The following ABI2 variants were observed in gnomAD, a reference collection of about 807,000 sequenced individuals.
ABI2 encodes abelson interactor 2.
Under a neutral mutation model 59.2 loss-of-function variants are expected in ABI2, and 25 were observed. The observed-to-expected ratio is 0.42, with a 90% CI of 0.31 to 0.59. ABI2 has a LOEUF of 0.59. Ranked by LOEUF, ABI2 falls within the 20% of genes least tolerant of loss-of-function variation. The pLI is 0.14. For missense variants in ABI2, 545 were observed against 681.8 expected (o/e 0.80, Z 2.23); for synonymous variants, 213 against 235.5 (o/e 0.90, Z 0.87).
intron 1 of ABI2, among the ~76,000 whole-genome samples, chr2:203,352,664 G>C (rs145402424): frequency 6.6e-6 from 1 of 152,218 alleles, no homozygotes; most frequent in African/African-American, 2.4e-5. Context: ...AAGTTTATGA[G>C]GTAAAAATTA....
At chr2:203,387,682 G>A (rs1240332971) in intron 4 of ABI2, among the ~76,000 whole-genome samples, 1 of 152,132 alleles carries the variant, frequency 6.6e-6, no homozygotes, top group African/African-American at 2.4e-5. Context: ...ATTGGTATCG[G>A]CCACCAGAGT....
intron 1 of ABI2, among the ~76,000 whole-genome samples, chr2:203,332,336 A>G (rs2074168717): frequency 1.3e-5 from 2 of 151,804 alleles, no homozygotes; most frequent in South Asian, 2.1e-4. Context: ...TTATTAATAT[A>G]CACACCTAGG....
chr2:203,391,207 ATATT>A, intron 5 of ABI2, 64 bp downstream of exon 5: 1 of 1,125,280 alleles, frequency 8.9e-7, no homozygotes, highest in Non-Finnish European at 1.2e-6. Context: ...GAAGCACAAC[ATATT>A]TAAATTATTT....
rs183542945 is a variant in ABI2, at chr2:203,397,264, G to C, written c.1033+297G>C. On this transcript the variant is annotated intron_variant, in intron 8 of 11. Coordinates refer to ENST00000261018, the MANE Select transcript of ABI2 (RefSeq NM_001375670.1). Reference sequence around the variant, plus strand: ...GGAGCTACCTTCTATACAGTTTTTGGAAATTATCATTAGAAATATTTTCAT... The same window carrying C: ...GGAGCTACCTTCTATACAGTTTTTGCAAATTATCATTAGAAATATTTTCAT... Among the ~76,000 whole-genome samples the C allele has an allele frequency of 6.0e-3, 919 of 152,006 alleles. 7 individuals are homozygous for C. Among genetic ancestry groups the C allele is most frequent in the Middle Eastern group, 0.02 (6 of 294 alleles).
chr2:203,334,954 C>CT (rs1176777280), intron 1 of ABI2, among the ~76,000 whole-genome samples: 1 of 152,158 alleles, frequency 6.6e-6, no homozygotes, highest in African/African-American at 2.4e-5. Flanking sequence ...GCCACCGTGC[C>CT]TGGCCTAGTT....
chr2:203,392,302 CCACCACCACCACCAACAACAACAACAA>C lies in ABI2; in HGVS notation c.578+1162_578+1188del, dbSNP rs1298027707. ...ACCACCACCACCACCACCACCACCA[CCACCACCACCACCAACAACAACAACAA>C]CAACAACAACAACAAAACAACCACA... On this transcript the variant is annotated intron_variant, in intron 5 of 11. Transcript: ENST00000261018. 1.4e-4 allele frequency among the ~76,000 whole-genome samples: 13 copies of C among 96,114 alleles called. 1 individual carries two copies. Among genetic ancestry groups the C allele is most frequent in the Admixed American group, 4.4e-4 (4 of 9,088 alleles). 63.1% of individuals were successfully genotyped at this position (96,114 alleles called of 152,430 possible).
At position 203,404,583 on chromosome 2, in the gene ABI2, A is replaced by G. The variant is rs189402393; in HGVS notation, c.1192+1849A>G. Among the ~76,000 whole-genome samples, 599 of 152,118 alleles carry G rather than the reference A, an allele frequency of 3.9e-3. 1 individual carries two copies. The highest frequency in any genetic ancestry group is 6.8e-3 in the Middle Eastern group (2 of 294). On this transcript the variant is annotated intron_variant, in intron 9 of 11. Transcript: ENST00000261018. ...TTTTGTTTTGTTTTGTTTTGAGACA[A>G]AGTCTTGCTCTGTCACCCAGGCTGG...
chr2:203,382,592 T>C (rs911888843), intron 4 of ABI2, among the ~76,000 whole-genome samples: 17 of 152,228 alleles, frequency 1.1e-4, no homozygotes, highest in Non-Finnish European at 2.1e-4. Context: ...TGTTATGAAT[T>C]GGAGGGCCAA....
intron 1 of ABI2, among the ~76,000 whole-genome samples, chr2:203,354,736 CAA>C (rs1283983236): frequency 6.6e-6 from 1 of 152,188 alleles, no homozygotes; most frequent in African/African-American, 2.4e-5. Context: ...CTTGTATATG[CAA>C]GGGTTGTATT....
rs1399154323 is a variant in ABI2 at position 203,369,513 on chromosome 2, TATTA to T, written c.285+2473_285+2476del. 2.0e-5 allele frequency among the ~76,000 whole-genome samples: 3 copies of T among 152,372 alleles called. No individual in the cohort carries two copies. The East Asian group carries it at 5.8e-4, about 29-fold the overall frequency. On this transcript the variant is annotated intron_variant, in intron 2 of 11. Coordinates refer to ENST00000261018, the MANE Select transcript of ABI2 (RefSeq NM_001375670.1). ...AGCCACCCTAGATTTTGAGTATATG[TATTA>T]ATTCAGTTATTCAGAACATTTTCTT...
rs546587609 is a variant in ABI2 at position 203,411,698 on chromosome 2, G to A, written c.1279+327G>A. Among the ~76,000 whole-genome samples, 11 of 152,212 alleles carry A rather than the reference G, an allele frequency of 7.2e-5. No homozygotes were observed. The South Asian group carries it at 1.9e-3, about 26-fold the overall frequency. Reference sequence around the variant, plus strand: ...GTGGTAGTCTAGTTTCTTATCACTGGAGTTTTATGGGTATTATAGGTGGTC... The same window carrying A: ...GTGGTAGTCTAGTTTCTTATCACTGAAGTTTTATGGGTATTATAGGTGGTC... On this transcript the variant is annotated intron_variant, in intron 10 of 11. Coordinates refer to ENST00000261018, the MANE Select transcript of ABI2 (RefSeq NM_001375670.1).
At position 203,368,988 on chromosome 2, in the gene ABI2, T is replaced by TAA. The variant is rs2094821121; in HGVS notation, c.285+1944_285+1945insAA. Reference sequence around the variant, plus strand: ...GGCACGTGCCATGCTTGGCTGATTTTTTTTTTTTTTTTTTTTTTTTTTTTT... The same window carrying TAA: ...GGCACGTGCCATGCTTGGCTGATTTTAATTTTTTTTTTTTTTTTTTTTTTTTT... On this transcript the variant is annotated intron_variant, in intron 2 of 11. Transcript: ENST00000261018. Among the ~76,000 whole-genome samples, 8 of 69,402 alleles carry TAA rather than the reference T, an allele frequency of 1.2e-4. No homozygotes were observed. In the East Asian group the frequency reaches 2.0e-3, roughly 17 times the overall value. The allele number at this position is 69,402 out of a possible 152,430, so 45.5% of individuals were successfully genotyped here.
intron 1 of ABI2, among the ~76,000 whole-genome samples, chr2:203,344,411 G>C (rs1398054960): frequency 1.3e-5 from 2 of 151,794 alleles, no homozygotes; most frequent in East Asian, 1.9e-4. Context: ...TATTGCCCAG[G>C]TTGGAGTGCA....
chr2:203,337,949 G>A (rs937029284), intron 1 of ABI2, among the ~76,000 whole-genome samples: 2 of 152,206 alleles, frequency 1.3e-5, no homozygotes, highest in Non-Finnish European at 2.9e-5. Flanking sequence ...AGAATCGCTT[G>A]AACCCAGGAA....
chr2:203,395,161 A>T, intron 6 of ABI2: 1 of 699,322 alleles, frequency 1.4e-6, no homozygotes, highest in Non-Finnish European at 2.6e-6. Flanking sequence ...CAGATGAAAA[A>T]CTATACATAA....
intron 1 of ABI2, among the ~76,000 whole-genome samples, chr2:203,363,205 A>T (rs2093783664): frequency 6.6e-6 from 1 of 152,134 alleles, no homozygotes; most frequent in Admixed American, 6.6e-5. Context: ...TTTATGGGTT[A>T]CCTGAGATAT....
chr2:203,428,871 A>C lies in ABI2; in HGVS notation c.*1519A>C, dbSNP rs2098461530. 6.6e-6 allele frequency: 1 copy of C among 152,246 alleles called. No homozygotes were observed. The highest frequency in any genetic ancestry group is 2.4e-5 in the African/African-American group (1 of 41,460). The allele number at this position is 152,246 out of a possible 1,614,324, so 9.4% of individuals were successfully genotyped here. On this transcript the variant is annotated 3_prime_UTR_variant, in exon 12 of 12. Coordinates refer to ENST00000261018, the MANE Select transcript of ABI2 (RefSeq NM_001375670.1). The stretch of plus-strand genomic sequence containing the variant: ...CAGGTAACTGCCCTGTGCTAGGTGA[A>C]AGGGGAAAAGCAGTAGCTGGATATA...
chr2:203,402,461 CAGTT>C (rs1290800532), intron 8 of ABI2, 111 bp from the exon 9 acceptor site: 2 of 728,614 alleles, frequency 2.7e-6, no homozygotes, highest in Admixed American at 8.5e-5. Flanking sequence ...TTTCAGATAC[CAGTT>C]AAACTAGCTG....
At chr2:203,410,488 G>A (rs948757783) in intron 9 of ABI2, among the ~76,000 whole-genome samples, 4 of 152,002 alleles carry the variant, frequency 2.6e-5, no homozygotes, top group Non-Finnish European at 5.9e-5. Flanking sequence ...AACATCTGTT[G>A]ACAGTTTATT....
Sources: allele counts gnomAD v4.1 joint callset (sites outside exome capture counted in the v4.1 genomes callset), GRCh38; gene constraint gnomAD v4.1.1; transcripts MANE v1.5; gene names NCBI Gene and HGNC (gene_info 2026-07-23, HGNC 2026-07-21).